The following PCDHGA10 variants were observed in gnomAD, a reference collection of about 807,000 sequenced individuals.
PCDHGA10 encodes protocadherin gamma subfamily A, 10.
In PCDHGA10, 42 loss-of-function variants were observed where a neutral mutation model predicts 59.5. The ratio of observed to expected loss-of-function variants is 0.71; its 90% CI spans 0.55 to 0.91. The LOEUF (loss-of-function observed/expected upper bound fraction) is 0.91, where lower values mean the gene tolerates loss of function less well. Among genes scored for constraint, PCDHGA10 ranks in the 40% least tolerant of loss-of-function variants. The probability of loss-of-function intolerance (pLI) is 0.00; values close to 1 mark genes in which losing one functional copy is unlikely to be tolerated. For synonymous variants in PCDHGA10, 511 were observed against 517.2 expected (o/e 0.99, Z 0.16); for missense variants, 1,111 against 1,198.2 (o/e 0.93, Z 1.07).
Position 141,425,952 on chromosome 5 carries a change from T to C in PCDHGA10, c.2436+10341T>C, listed in dbSNP as rs1047436598. 3.9e-5 allele frequency among the ~76,000 whole-genome samples: 6 copies of C among 152,364 alleles called. No individual in the cohort carries two copies. In the South Asian group the frequency reaches 8.3e-4, roughly 21 times the overall value. ...ATAAAATGTCTAGTTTCCTATACATTAGTCCAACACATCAGTCTAATTCTG... is the reference window on the plus strand; with the variant it reads ...ATAAAATGTCTAGTTTCCTATACATCAGTCCAACACATCAGTCTAATTCTG... On this transcript the variant is annotated intron_variant, in intron 1 of 3. Coordinates refer to ENST00000398610, the MANE Select transcript of PCDHGA10 (RefSeq NM_018913.3).
At chr5:141,443,448 T>C (rs1205977008) in intron 1 of PCDHGA10, among the ~76,000 whole-genome samples, 1 of 152,210 alleles carries the variant, frequency 6.6e-6, no homozygotes, top group African/African-American at 2.4e-5. Context: ...GTTGCGCTCC[T>C]GTACTCCAGT....
chr5:141,482,758 T>TGC (rs1413945459), intron 1 of PCDHGA10, among the ~76,000 whole-genome samples: 74 of 141,724 alleles, frequency 5.2e-4, no homozygotes, highest in African/African-American at 9.9e-4. Flanking sequence ...ATTATGGTAT[T>TGC]TCATTATCAC....
chr5:141,423,760 G>GT, intron 1 of PCDHGA10: 1 of 279,664 alleles, frequency 3.6e-6, no homozygotes, highest in Non-Finnish European at 5.3e-6. Flanking sequence ...TGGGGGGGGG[G>GT]TGGGGCGGCA....
intron 1 of PCDHGA10, chr5:141,421,223 C>T: frequency 6.3e-7 from 1 of 1,580,314 alleles, no homozygotes. Context: ...GGCTTAGAGC[C>T]TGCCATGGCG....
At chr5:141,418,145 T>G in intron 1 of PCDHGA10, 4 of 1,614,052 alleles carry the variant, frequency 2.5e-6, no homozygotes, top group Non-Finnish European at 3.4e-6. Flanking sequence ...TGAGCAAATA[T>G]GCAAAGAGAG....
At position 141,455,301 on chromosome 5, in the gene PCDHGA10, T is replaced by G. The variant is rs192443408; in HGVS notation, c.2437-39506T>G. Among the ~76,000 whole-genome samples, 191 of 152,308 alleles carry G rather than the reference T, an allele frequency of 1.3e-3. 1 individual carries two copies. Among genetic ancestry groups the G allele is most frequent in the African/African-American group, 4.4e-3 (181 of 41,566 alleles). On this transcript the variant is annotated intron_variant, in intron 1 of 3. Transcript: ENST00000398610. ...AACATCACTTTACATAGTTTCATCT[T>G]GCATTAGCAATTTTGTGTGTGTGTT...
In PCDHGA10 at chr5:141,494,863, C is replaced by A. The variant is rs538734954; in HGVS notation, c.2493C>A (p.Ser831Arg). 17 of 1,614,118 alleles carry A rather than the reference C, an allele frequency of 1.1e-5. No individual in the cohort carries two copies. Among genetic ancestry groups the A allele is most frequent in the Non-Finnish European group, 1.4e-5 (17 of 1,179,994 alleles). Residue 831 changes from serine to arginine, a missense_variant and splice_region_variant, in exon 2 of 4, where the codon AGC becomes AGA. By Grantham distance (110) the Ser-to-Arg change is moderately radical. Transcript: ENST00000398610. ...RFSQAQRPGT[S>R]GSQNGDDTGT... ...CTCAGGCCCAGAGACCCGGCACCAG[C>A]GGGTAGGTGACTGATTCTCCAGCCC...
chr5:141,430,639 A>T, intron 1 of PCDHGA10: 1 of 900,712 alleles, frequency 1.1e-6, no homozygotes. Flanking sequence ...CATCCCTGGG[A>T]GTATGTGGAA....
In PCDHGA10 at chr5:141,431,304, T is replaced by G. The variant is rs749116196; in HGVS notation, c.2436+15693T>G. The G allele has an allele frequency of 7.4e-6, 12 of 1,614,104 alleles. No individual in the cohort carries two copies. Among genetic ancestry groups the G allele is most frequent in the Non-Finnish European group, 9.3e-6 (11 of 1,180,030 alleles). On this transcript the variant is annotated intron_variant, in intron 1 of 3. Coordinates refer to ENST00000398610, the MANE Select transcript of PCDHGA10 (RefSeq NM_018913.3). The surrounding 1 kb of genome is among the most constrained non-coding windows in gnomAD (Gnocchi z 4.8). ...CCGAACACTCACTTCTCCCTCATCGTGCAAAATGGAGCCGACGGTAGTAAG... is the reference window on the plus strand; with the variant it reads ...CCGAACACTCACTTCTCCCTCATCGGGCAAAATGGAGCCGACGGTAGTAAG...
In PCDHGA10 at chr5:141,432,700, G is replaced by C. The variant is rs1320099367; in HGVS notation, c.2436+17089G>C. 4 of 1,613,980 alleles carry C rather than the reference G, an allele frequency of 2.5e-6. No individual in the cohort carries two copies. In the Admixed American group the frequency reaches 6.7e-5, roughly 27 times the overall value. ...AGCAGAGCCTCGTAGTGGCCGTCCA[G>C]GACCACGGCCAGCCCCCTCTCTCCG... On this transcript the variant is annotated intron_variant, in intron 1 of 3. Coordinates refer to ENST00000398610, the MANE Select transcript of PCDHGA10 (RefSeq NM_018913.3). The surrounding 1 kb of genome is among the most constrained non-coding windows in gnomAD (Gnocchi z 6.0).
chr5:141,453,746 T>C (rs1345046460), intron 1 of PCDHGA10, among the ~76,000 whole-genome samples: 1 of 152,254 alleles, frequency 6.6e-6, no homozygotes, highest in Non-Finnish European at 1.5e-5. Flanking sequence ...TTAAATAACA[T>C]AAGTCTCCTA....
Position 141,487,252 on chromosome 5 carries a change from G to T in PCDHGA10, c.2437-7555G>T. ...GAGAATCTCGTCTAACCCTCTACTT[G>T]GCTGTGTCCCTAGTGGCAATTTGCT... On this transcript the variant is annotated intron_variant, in intron 1 of 3. Transcript: ENST00000398610. The surrounding 1 kb of genome is among the most constrained non-coding windows in gnomAD (Gnocchi z 5.0). 1 of 1,614,110 alleles carries T rather than the reference G, an allele frequency of 6.2e-7. No homozygotes were observed. The highest frequency in any genetic ancestry group is 8.5e-7 in the Non-Finnish European group (1 of 1,180,014).
At chr5:141,501,206 A>G (rs977574347) in intron 2 of PCDHGA10, among the ~76,000 whole-genome samples, 22 of 151,674 alleles carry the variant, frequency 1.5e-4, no homozygotes, top group African/African-American at 5.3e-4. Context: ...GGGTGTTGTC[A>G]GGGTGACTTC....
chr5:141,481,619 A>T (rs1303171847), intron 1 of PCDHGA10, among the ~76,000 whole-genome samples: 1 of 152,128 alleles, frequency 6.6e-6, no homozygotes, highest in Non-Finnish European at 1.5e-5. Flanking sequence ...GGAGTTCAAG[A>T]CCGGCCTGGC....
In PCDHGA10 at chr5:141,413,792, G is replaced by C. The variant is rs1390056342; in HGVS notation, c.617G>C (p.Arg206Pro). 6.2e-7 allele frequency: 1 copy of C among 1,613,134 alleles called. No individual in the cohort carries two copies. The highest frequency in any genetic ancestry group is 1.1e-5 in the South Asian group (1 of 91,074). The part of the protein sequence containing the change: ...PELVLEHSLD[R>P]EEEAIHHLVL... The stretch of plus-strand genomic sequence containing the variant: ...CTGGTACTGGAGCACTCCCTAGATC[G>C]CGAGGAAGAGGCCATTCACCACCTG... Residue 206 changes from arginine (R) to proline (P), a missense_variant, in exon 1 of 4, where the codon CGC (arginine) becomes CCC (proline). Coordinates refer to ENST00000398610, the MANE Select transcript of PCDHGA10 (RefSeq NM_018913.3).
Position 141,476,370 on chromosome 5 carries a change from A to G in PCDHGA10, c.2437-18437A>G, listed in dbSNP as rs747703594. 13 of 1,613,882 alleles carry G rather than the reference A, an allele frequency of 8.1e-6. No individual in the cohort carries two copies. In the East Asian group the frequency reaches 2.7e-4, roughly 33 times the overall value. On this transcript the variant is annotated intron_variant, in intron 1 of 3. Transcript: ENST00000398610. This position sits in a 1 kb window ranked among gnomAD's most constrained non-coding sequence, Gnocchi z 7.6. ...TTTGAGGTGAACCGGGAGACCGGAG[A>G]GATGTTTGTGAACGACCGTCTGGAT...
chr5:141,511,135 G>A lies in PCDHGA10; in HGVS notation c.2773G>A (p.Gly925Ser), dbSNP rs200541479. Residue 925 changes from glycine to serine, a missense_variant, in exon 4 of 4, where the codon GGC becomes AGC. Physicochemically the swap from Gly to Ser is moderately conservative, Grantham distance 56. Coordinates refer to ENST00000398610, the MANE Select transcript of PCDHGA10 (RefSeq NM_018913.3). The stretch of plus-strand genomic sequence containing the variant: ...TGGCAAGGCCCCAGCAGGTGGCAAT[G>A]GCAACAAGAAGAAGTCGGGCAAGAA... ...RDGKAPAGGN[G>S]NKKKSGKKEK... 2.8e-4 allele frequency: 448 copies of A among 1,614,188 alleles called. No homozygotes were observed. Among genetic ancestry groups the A allele is most frequent in the Non-Finnish European group, 3.0e-4 (352 of 1,180,016 alleles).
chr5:141,446,633 C>T (rs2098509543), intron 1 of PCDHGA10, among the ~76,000 whole-genome samples: 4 of 152,208 alleles, frequency 2.6e-5, no homozygotes, highest in East Asian at 1.9e-4. Flanking sequence ...TGCACCACCA[C>T]GCCTGGCTAA....
intron 1 of PCDHGA10, among the ~76,000 whole-genome samples, chr5:141,457,190 G>A (rs2098913282): frequency 6.6e-6 from 1 of 152,200 alleles, no homozygotes; most frequent in African/African-American, 2.4e-5. Context: ...GTAGAGTGAG[G>A]AAAGCAGTTC....
Sources: allele counts gnomAD v4.1 joint callset (sites outside exome capture counted in the v4.1 genomes callset), GRCh38; gene constraint gnomAD v4.1.1; non-coding constraint Gnocchi (gnomAD v3.1); transcripts MANE v1.5; gene names NCBI Gene and HGNC (gene_info 2026-07-23, HGNC 2026-07-21).